Variants in GALNT6 observed in about 807,000 individuals in gnomAD.
GALNT6 encodes the protein polypeptide N-acetylgalactosaminyltransferase 6.
In GALNT6, 51 loss-of-function variants were observed where a neutral mutation model predicts 65.9. That is an observed-to-expected ratio of 0.77 (90% CI 0.62 to 0.98). GALNT6 has a LOEUF of 0.98. Among genes scored for constraint, GALNT6 ranks in the 50% least tolerant of loss-of-function variants. The pLI, the probability that GALNT6 is intolerant of heterozygous loss-of-function variation, is 0.00. For synonymous variants in GALNT6, 323 were observed against 315.1 expected (o/e 1.02, Z -0.26); for missense variants, 708 against 803.3 (o/e 0.88, Z 1.43).
intron 4 of GALNT6, among the ~76,000 whole-genome samples, chr12:51,368,567 G>A (rs1262530040): frequency 1.3e-5 from 2 of 151,840 alleles, no homozygotes; most frequent in Non-Finnish European, 2.9e-5. Flanking sequence ...ACCACGCCCC[G>A]CTAATTTTTT....
rs533020103 is a variant in GALNT6 at position 51,358,026 on chromosome 12, C to G, written c.1500+104G>C. 3.4e-6 allele frequency: 4 copies of G among 1,170,850 alleles called. No homozygotes were observed. In the African/African-American group the frequency reaches 6.0e-5, roughly 18 times the overall value. 72.5% of individuals were successfully genotyped at this position (1,170,850 alleles called of 1,614,324 possible). On this transcript the variant is annotated intron_variant, in intron 9 of 11. Transcript: ENST00000356317. ...CTCCTGGATAAAGGAGGGTGCAGGG[C>G]AAAACTCAATTCTTGTTTGTCATCC...
chr12:51,366,543 C>T (rs2067763), intron 4 of GALNT6, among the ~76,000 whole-genome samples: 131,098 of 152,220 alleles, frequency 0.86, 56,586 homozygotes, highest in South Asian at 0.92. Flanking sequence ...GCACCTACCA[C>T]GGACCAGGCA....
Position 51,364,317 on chromosome 12 carries a change from G to A in GALNT6, c.853C>T (p.Arg285Ter), listed in dbSNP as rs371938032. The change falls in exon 6 of 12, where the codon CGA becomes TGA. Residue 285 changes from arginine to a stop codon, truncating the protein, a stop_gained. Transcript: ENST00000356317. LOFTEE classifies it high-confidence loss of function. Reference protein sequence around the residue: ...FHGWLEPLLARIAEDKTVVVS... With the variant: ...FHGWLEPLLA ...ACCACTGTCTTGTCCTCAGCGATTC[G>A]AGCCAGGAGGGGCTCCAGCCAGCCG... The A allele has an allele frequency of 2.5e-5, 40 of 1,614,016 alleles. No homozygotes were observed. In the South Asian group the frequency reaches 2.7e-4, roughly 11 times the overall value.
chr12:51,372,700 C>G (rs752493026), intron 4 of GALNT6, among the ~76,000 whole-genome samples: 4 of 152,204 alleles, frequency 2.6e-5, no homozygotes, highest in Non-Finnish European at 1.5e-5. Flanking sequence ...GGCTACTCTG[C>G]CTGTTAGATG....
intron 8 of GALNT6, among the ~76,000 whole-genome samples, 196 bp from the exon 9 acceptor site, chr12:51,358,457 C>T (rs1412905127): frequency 2.6e-5 from 4 of 152,072 alleles, no homozygotes; most frequent in African/African-American, 7.2e-5. Flanking sequence ...CGCACCACCA[C>T]GCCCAATTAA....
chr12:51,369,993 C>A (rs1252065276), intron 4 of GALNT6, among the ~76,000 whole-genome samples: 3 of 152,120 alleles, frequency 2.0e-5, no homozygotes, highest in Non-Finnish European at 4.4e-5. Flanking sequence ...AAAACAAATC[C>A]ATGGTGTTTC....
At chr12:51,380,837 A>G (rs934857061) in intron 2 of GALNT6, among the ~76,000 whole-genome samples, 1 of 152,212 alleles carries the variant, frequency 6.6e-6, no homozygotes, top group African/African-American at 2.4e-5. Flanking sequence ...CAGTTTCTGA[A>G]GATGAAGAAA....
intron 7 of GALNT6, chr12:51,359,627 G>C: frequency 3.5e-6 from 1 of 285,488 alleles, no homozygotes; most frequent in African/African-American, 2.2e-5. Flanking sequence ...TTTGTTACCT[G>C]TGCCTGTATA....
intron 8 of GALNT6, among the ~76,000 whole-genome samples, 163 bp downstream of exon 8, chr12:51,358,969 T>G (rs1165292519): frequency 6.6e-6 from 1 of 152,166 alleles, no homozygotes; most frequent in East Asian, 1.9e-4. Context: ...GAAACCTATG[T>G]GCCTTGTGGC....
In GALNT6 at chr12:51,358,119, T is replaced by C. The variant is rs760689313; in HGVS notation, c.1500+11A>G. On this transcript the variant is annotated intron_variant, in intron 9 of 11. Coordinates refer to ENST00000356317, the MANE Select transcript of GALNT6 (RefSeq NM_007210.4). ...TGGTGATGGGCAGGCAGGTTGGTTC[T>C]CAAGACTTACGGCACCATAGAAGGT... 1 of 1,612,076 alleles carries C rather than the reference T, an allele frequency of 6.2e-7. No individual in the cohort carries two copies. The highest frequency in any genetic ancestry group is 1.1e-5 in the South Asian group (1 of 91,016).
chr12:51,377,454 C>G, intron 3 of GALNT6, 87 bp from the exon 4 acceptor site: 1 of 1,030,852 alleles, frequency 9.7e-7, no homozygotes, highest in Non-Finnish European at 1.5e-6. Context: ...CTCCCCCAGA[C>G]CATCCTCCAC....
At chr12:51,364,953 C>T (rs1364673289) in intron 5 of GALNT6, among the ~76,000 whole-genome samples, 3 of 152,164 alleles carry the variant, frequency 2.0e-5, no homozygotes, top group Admixed American at 6.5e-5. Flanking sequence ...GACTCCAAGA[C>T]TAGAGCTTCC....
In GALNT6 at chr12:51,352,724, T is replaced by A. The variant is rs1043342457; in HGVS notation, c.*1655A>T. ...TTTGCTCTTGTTGCCTAGGCTGGAG[T>A]TCAGTGGCGCGATCTTGGCTCACTG... is the stretch of plus-strand genomic sequence containing the variant. On this transcript the variant is annotated 3_prime_UTR_variant, in exon 12 of 12. Coordinates refer to ENST00000356317, the MANE Select transcript of GALNT6 (RefSeq NM_007210.4). 4.6e-5 allele frequency: 7 copies of A among 152,212 alleles called. No homozygotes were observed. Among genetic ancestry groups the A allele is most frequent in the African/African-American group, 1.7e-4 (7 of 41,402 alleles). The allele number at this position is 152,212 out of a possible 1,614,324, so 9.4% of individuals were successfully genotyped here.
chr12:51,361,078 G>A (rs1021221607), intron 6 of GALNT6, among the ~76,000 whole-genome samples: 2 of 152,160 alleles, frequency 1.3e-5, no homozygotes, highest in Admixed American at 6.6e-5. Context: ...TCATTCATTC[G>A]TTCAACCTAG....
At chr12:51,357,565 C>A in intron 9 of GALNT6, 115 bp from the exon 10 acceptor site, 1 of 692,460 alleles carries the variant, frequency 1.4e-6, no homozygotes, top group Admixed American at 2.1e-5. Flanking sequence ...ATTTGCATGG[C>A]TGGATTTCCC....
intron 2 of GALNT6, among the ~76,000 whole-genome samples, chr12:51,388,510 C>A (rs1347547999): frequency 6.6e-6 from 1 of 152,202 alleles, no homozygotes; most frequent in Non-Finnish European, 1.5e-5. Flanking sequence ...CAAATTCTTA[C>A]CAGAGACTCC....
chr12:51,360,712 C>T lies in GALNT6; in HGVS notation c.1167+9G>A, dbSNP rs1946894721. 6.6e-7 allele frequency: 1 copy of T among 1,518,888 alleles called. No homozygotes were observed. Among genetic ancestry groups the T allele is most frequent in the African/African-American group, 1.4e-5 (1 of 72,992 alleles). 94.1% of individuals were successfully genotyped at this position (1,518,888 alleles called of 1,614,324 possible). The stretch of plus-strand genomic sequence containing the variant: ...TTGTGGTTCCCCCCAAAGCCCTCTT[C>T]ACTCTCACCCGGAAGGACATTTCCA... On this transcript the variant is annotated intron_variant, in intron 7 of 11. Transcript: ENST00000356317.
At position 51,387,837 on chromosome 12, in the gene GALNT6, G is replaced by A. The variant is rs746458793; in HGVS notation, c.-104+3013C>T. On this transcript the variant is annotated intron_variant, in intron 2 of 11. Coordinates refer to ENST00000356317, the MANE Select transcript of GALNT6 (RefSeq NM_007210.4). The surrounding 1 kb of genome is among the most constrained non-coding windows in gnomAD (Gnocchi z 4.2). ...GGTGGAAGACAGGAGGGGTATTCCC[G>A]AAGGCCTCTTGGGCCAGTCTTCAAA... Among the ~76,000 whole-genome samples the A allele has an allele frequency of 6.6e-5, 10 of 152,254 alleles. No individual in the cohort carries two copies. The highest frequency in any genetic ancestry group is 1.9e-4 in the East Asian group (1 of 5,186).
intron 2 of GALNT6, among the ~76,000 whole-genome samples, chr12:51,390,363 C>T (rs1260219665): frequency 1.3e-5 from 2 of 151,968 alleles, no homozygotes; most frequent in South Asian, 2.1e-4. Flanking sequence ...GGGGTTTTGC[C>T]ATGTTGGCCA....
Sources: allele counts gnomAD v4.1 joint callset (sites outside exome capture counted in the v4.1 genomes callset), GRCh38; gene constraint gnomAD v4.1.1; non-coding constraint Gnocchi (gnomAD v3.1); transcripts MANE v1.5; gene names NCBI Gene and HGNC (gene_info 2026-07-23, HGNC 2026-07-21).